WDR62: variants seen among roughly 807,000 people sequenced by gnomAD.
WDR62 encodes WD repeat domain 62.
WDR62 carries 112 observed loss-of-function variants against 160.6 expected under a neutral mutation model. That is an observed-to-expected ratio of 0.70 (90% confidence interval 0.60 to 0.82). The LOEUF is 0.82. Among genes scored for constraint, WDR62 ranks in the 40% least tolerant of loss-of-function variants. The pLI is 0.00. For synonymous variants in WDR62, 792 were observed against 815.1 expected (o/e 0.97, Z 0.48); for missense variants, 1,819 against 1,983.8 (o/e 0.92, Z 1.58).
At chr19:36,109,500 G>C (rs1259588501), downstream of WDR62, among the ~76,000 whole-genome samples, 2 of 152,088 alleles carry the variant, frequency 1.3e-5, no homozygotes, top group East Asian at 3.9e-4. Flanking sequence ...TTGGGAGGTT[G>C]AGGCAGGTGG....
rs1360483071 is a variant in WDR62, at chr19:36,103,038, A to T, written c.3426A>T (p.Arg1142Ser). 1 of 1,614,124 alleles carries T rather than the reference A, an allele frequency of 6.2e-7. No homozygotes were observed. The highest frequency in any genetic ancestry group is 8.5e-7 in the Non-Finnish European group (1 of 1,180,034). ...KLMDRGGSQP[R>S]AGTGYASPDR... ...TGGACCGAGGCGGAAGCCAGCCCAGAGCAGGTACTGGCTACGCCTCCCCAG... is the reference window on the plus strand; with the variant it reads ...TGGACCGAGGCGGAAGCCAGCCCAGTGCAGGTACTGGCTACGCCTCCCCAG... The change falls in exon 28 of 32, where the codon AGA becomes AGT. Residue 1142 changes from arginine (R) to serine (S), a missense_variant. Arg to Ser is a moderately radical substitution (Grantham distance 110, BLOSUM62 -1). Around this residue, in one of 3 missense-constraint regions of WDR62, gnomAD observed 770 missense variants for 734.2 expected, o/e 1.05. Coordinates refer to ENST00000401500, the MANE Select transcript of WDR62 (RefSeq NM_001083961.2).
chr19:36,076,805 A>G (rs1475866367), intron 9 of WDR62, among the ~76,000 whole-genome samples: 4 of 152,148 alleles, frequency 2.6e-5, no homozygotes, highest in African/African-American at 9.7e-5. Flanking sequence ...AAGATAGTTA[A>G]AACAATTGTA....
rs762605299 is a variant in WDR62 at position 36,102,052 on chromosome 19, G to A, written c.3121G>A (p.Glu1041Lys). 35 of 1,614,110 alleles carry A rather than the reference G, an allele frequency of 2.2e-5. No homozygotes were observed. In the South Asian group the frequency reaches 3.1e-4, roughly 14 times the overall value. Residue 1041 changes from glutamate to lysine, a missense_variant, in exon 26 of 32, where the codon GAG (glutamate) becomes AAG (lysine). Glu to Lys is a moderately conservative substitution (Grantham distance 56). Coordinates refer to ENST00000401500, the MANE Select transcript of WDR62 (RefSeq NM_001083961.2). ...GPTEDELSLPEGPSVPSSSLP... is the reference protein window; with the variant it reads ...GPTEDELSLPKGPSVPSSSLP... ...CACAGAAGATGAGCTGTCCCTGCCC[G>A]AGGGACCCAGCGTCCCCAGCAGCTC...
chr19:36,083,278 C>A (rs1316130505), intron 11 of WDR62, 37 bp downstream of exon 11: 1 of 1,561,000 alleles, frequency 6.4e-7, no homozygotes, highest in Non-Finnish European at 8.7e-7. Context: ...GTACACCTCC[C>A]AGCTCCAGCT....
chr19:36,095,666 C>T (rs1972914813), intron 20 of WDR62, among the ~76,000 whole-genome samples: 1 of 152,186 alleles, frequency 6.6e-6, no homozygotes, highest in South Asian at 2.1e-4. Flanking sequence ...TGATGGCGTG[C>T]GCCTGTAATA....
rs774879026 is a variant in WDR62, at chr19:36,100,777, G to A, written c.2769G>A (p.Gly923=). 1 of 1,614,146 alleles carries A rather than the reference G, an allele frequency of 6.2e-7. No individual in the cohort carries two copies. The highest frequency in any genetic ancestry group is 1.1e-5 in the South Asian group (1 of 91,078). The stretch of plus-strand genomic sequence containing the variant: ...AGAGTCCCCAGGAAGCTGGCCGCGG[G>A]CACCCCTCCTTCCTGCCCCAGCAGA... ...ESESPQEAGR[G]HPSFLPQQKE... Residue 923 remains glycine, a synonymous_variant, in exon 23 of 32, where the codon GGG becomes GGA. Coordinates refer to ENST00000401500, the MANE Select transcript of WDR62 (RefSeq NM_001083961.2).
At chr19:36,065,723 T>C (rs1446755813) in intron 3 of WDR62, among the ~76,000 whole-genome samples, 1 of 152,110 alleles carries the variant, frequency 6.6e-6, no homozygotes, top group Non-Finnish European at 1.5e-5. Flanking sequence ...TCTACTCCAT[T>C]TGGGTTTGGT....
Position 36,069,417 on chromosome 19 carries a change from C to T in WDR62, c.882+1407C>T, listed in dbSNP as rs1025640659. ...GGGGTGGCGGGGCAGAGGCGCTCCC[C>T]GCATCTCAGACGATGGGCGGCCGGG... On this transcript the variant is annotated intron_variant, in intron 7 of 31. Transcript: ENST00000401500. Among the ~76,000 whole-genome samples the T allele has an allele frequency of 7.3e-5, 11 of 151,720 alleles. No individual in the cohort carries two copies. In the East Asian group the frequency reaches 1.4e-3, roughly 19 times the overall value.
At chr19:36,102,890 CA>C in intron 27 of WDR62, 39 bp downstream of exon 27, 2 of 1,614,156 alleles carry the variant, frequency 1.2e-6, no homozygotes, top group South Asian at 2.2e-5. Flanking sequence ...TCTGGCTCCT[CA>C]ACAGTGCCCC....
intron 3 of WDR62, among the ~76,000 whole-genome samples, chr19:36,064,569 G>A (rs1368732689): frequency 4.6e-5 from 7 of 150,938 alleles, no homozygotes; most frequent in African/African-American, 7.3e-5. Context: ...GTGAGCCACC[G>A]CGCCCAGCCC....
Position 36,089,109 on chromosome 19 carries a change from G to A in WDR62, c.1836+4G>A. 1 of 1,614,074 alleles carries A rather than the reference G, an allele frequency of 6.2e-7. No individual in the cohort carries two copies. The highest frequency in any genetic ancestry group is 8.5e-7 in the Non-Finnish European group (1 of 1,180,018). ...CTACTTTCGCAGTGCCCAGCAGGTA[G>A]GGTGGCATGGCCTCCTTGGGGGCTG... On this transcript the variant is annotated splice_donor_region_variant and intron_variant, in intron 14 of 31. Transcript: ENST00000401500.
At chr19:36,092,525 G>A (rs1376636149) in intron 18 of WDR62, among the ~76,000 whole-genome samples, 164 bp from the exon 19 acceptor site, 1 of 152,098 alleles carries the variant, frequency 6.6e-6, no homozygotes, top group Non-Finnish European at 1.5e-5. Flanking sequence ...GTGTGGATGT[G>A]GCAAGTCCAG....
chr19:36,111,123 C>G, the WDR62 span: 6 of 1,272,366 alleles, frequency 4.7e-6, no homozygotes, highest in East Asian at 1.5e-4. Flanking sequence ...CCTCCTTTCC[C>G]ACCAGGGATA....
chr19:36,099,455 G>A lies in WDR62; in HGVS notation c.2577G>A (p.Gln859=). Residue 859 remains glutamine (Q), a synonymous_variant, in exon 22 of 32, where the codon CAG becomes CAA. Coordinates refer to ENST00000401500, the MANE Select transcript of WDR62 (RefSeq NM_001083961.2). ...GLAFHAKRSY[Q]PHGRWAERAG... ...CCTTCCACGCCAAGCGCAGCTACCA[G>A]CCCCACGGCCGCTGGGCAGAGCGGG... The A allele has an allele frequency of 6.2e-7, 1 of 1,613,890 alleles. No individual in the cohort carries two copies. Among genetic ancestry groups the A allele is most frequent in the Non-Finnish European group, 8.5e-7 (1 of 1,180,042 alleles).
rs1470005962 is a variant in WDR62, at chr19:36,101,698, C to T, written c.3006C>T (p.Ser1002=). 1.3e-5 allele frequency: 20 copies of T among 1,551,036 alleles called. No homozygotes were observed. The Admixed American group carries it at 3.5e-4, about 27-fold the overall frequency. Residue 1002 remains serine, a synonymous_variant, in exon 25 of 32, where the codon AGC becomes AGT. Transcript: ENST00000401500. Reference sequence around the variant, plus strand: ...AGTCAGAGGCCGACCTGGAGTGCAGCTTCGCAGCCATCCACTCCCCAGCTC... The same window carrying T: ...AGTCAGAGGCCGACCTGGAGTGCAGTTTCGCAGCCATCCACTCCCCAGCTC... ...SGESEADLEC[S]FAAIHSPAPP... is the part of the protein sequence containing the mutation.
chr19:36,091,678 C>G (rs1324946526), intron 18 of WDR62, among the ~76,000 whole-genome samples: 1 of 151,830 alleles, frequency 6.6e-6, no homozygotes, highest in Non-Finnish European at 1.5e-5. Context: ...GGGTGGATCA[C>G]TTGAGCTCAG....
chr19:36,087,039 T>A (rs1972281569), intron 13 of WDR62, among the ~76,000 whole-genome samples: 1 of 150,216 alleles, frequency 6.7e-6, no homozygotes, highest in Non-Finnish European at 1.5e-5. Flanking sequence ...TTCGGGACCT[T>A]CCTAGACAAC....
intron 24 of WDR62, 91 bp downstream of exon 24, chr19:36,101,408 G>A: frequency 8.6e-7 from 1 of 1,160,100 alleles, no homozygotes; most frequent in Non-Finnish European, 1.3e-6. Flanking sequence ...ACCCAGTACT[G>A]AAGCTCAGAG....
At position 36,068,021 on chromosome 19, in the gene WDR62, C is replaced by T. The variant is rs1971037421; in HGVS notation, c.882+11C>T. On this transcript the variant is annotated intron_variant, in intron 7 of 31. Transcript: ENST00000401500. ...TGGATCAACCTGAAGGTACCACCTCCCTCTCTGCCATCAGCTGGACAGACT... is the reference window on the plus strand; with the variant it reads ...TGGATCAACCTGAAGGTACCACCTCTCTCTCTGCCATCAGCTGGACAGACT... The T allele has an allele frequency of 6.2e-7, 1 of 1,611,848 alleles. No individual in the cohort carries two copies. Among genetic ancestry groups the T allele is most frequent in the Admixed American group, 1.7e-5 (1 of 59,682 alleles).
Sources: allele counts gnomAD v4.1 joint callset (sites outside exome capture counted in the v4.1 genomes callset), GRCh38; gene constraint gnomAD v4.1.1; regional missense constraint gnomAD v4.1.1; transcripts MANE v1.5; gene names NCBI Gene and HGNC (gene_info 2026-07-23, HGNC 2026-07-21).